The following COL27A1 variants were observed in gnomAD, a reference collection of about 807,000 sequenced individuals.
COL27A1 encodes collagen alpha-1(XXVII) chain.
In COL27A1, 106 loss-of-function variants were observed where a neutral mutation model predicts 251.3. That is an observed-to-expected ratio of 0.42 (90% confidence interval 0.36 to 0.50). COL27A1 has a LOEUF of 0.50. Among genes scored for constraint, COL27A1 ranks in the 20% least tolerant of loss-of-function variants. The probability of loss-of-function intolerance (pLI) is 0.00; values close to 1 mark genes in which losing one functional copy is unlikely to be tolerated. For synonymous variants in COL27A1, 1,000 were observed against 986.3 expected, an observed-to-expected ratio of 1.01 and a Z score of -0.26; for missense variants, 2,325 against 2,522.8, an observed-to-expected ratio of 0.92 and a Z score of 1.68.
intron 11 of COL27A1, 100 bp downstream of exon 11, chr9:114,209,828 C>G: frequency 8.6e-7 from 1 of 1,159,320 alleles, no homozygotes; most frequent in Non-Finnish European, 1.3e-6. Flanking sequence ...GGAATTCCTC[C>G]TGGAGGAGGT....
chr9:114,228,178 T>C (rs1206782385), intron 14 of COL27A1, among the ~76,000 whole-genome samples: 5 of 152,142 alleles, frequency 3.3e-5, no homozygotes, highest in Non-Finnish European at 5.9e-5. Flanking sequence ...TGCTGCGCCG[T>C]GACTCCCCGA....
intron 12 of COL27A1, among the ~76,000 whole-genome samples, chr9:114,216,339 G>A (rs575131435): frequency 2.0e-5 from 3 of 152,368 alleles, no homozygotes; most frequent in Non-Finnish European, 4.4e-5. Context: ...GTGGAGGAAG[G>A]TCCCTGCTGC....
intron 55 of COL27A1, 95 bp from the exon 56 acceptor site, chr9:114,301,987 T>A (rs1177098740): frequency 7.9e-7 from 1 of 1,267,486 alleles, no homozygotes; most frequent in Non-Finnish European, 1.1e-6. Context: ...TGGCAGGTCC[T>A]GCATGCTTTG....
chr9:114,237,737 C>T (rs751360400), intron 19 of COL27A1, 22 bp downstream of exon 19: 67 of 1,604,968 alleles, frequency 4.2e-5, no homozygotes, highest in Middle Eastern at 1.6e-4. Flanking sequence ...CCCATTTCTC[C>T]GTGTCTGGCT....
intron 59 of COL27A1, among the ~76,000 whole-genome samples, chr9:114,308,093 T>C (rs1303062333): frequency 6.6e-6 from 1 of 151,984 alleles, no homozygotes; most frequent in African/African-American, 2.4e-5. Context: ...ATCATCAGCA[T>C]GAAATAAAAG....
chr9:114,281,347 T>G (rs540026961), intron 37 of COL27A1, among the ~76,000 whole-genome samples: 8 of 152,342 alleles, frequency 5.3e-5, no homozygotes, highest in African/African-American at 1.7e-4. Context: ...TTGCACACAC[T>G]CACTCACCCT....
chr9:114,257,075 CAGCAGCTGTTGGAGGGTCTGCTGGGTGAT>C, intron 27 of COL27A1, among the ~76,000 whole-genome samples: 1 of 152,220 alleles, frequency 6.6e-6, no homozygotes, highest in Non-Finnish European at 1.5e-5. Flanking sequence ...AGCCCCTCCA[CAGCAGCTGTTGGAGGGTCTGCTGGGTGAT>C]AGCGGCTGGG....
intron 3 of COL27A1, among the ~76,000 whole-genome samples, chr9:114,176,949 C>A (rs555113265): frequency 1.1e-4 from 17 of 152,190 alleles, no homozygotes; most frequent in Non-Finnish European, 2.1e-4. Context: ...GGGTTTTCAA[C>A]ACCGATTTTA....
At chr9:114,289,009 G>T (rs765847306) in intron 44 of COL27A1, 42 bp downstream of exon 44, 1 of 1,608,962 alleles carries the variant, frequency 6.2e-7, no homozygotes, top group East Asian at 2.2e-5. Flanking sequence ...CCCACCCTGA[G>T]TGGGGCGGAG....
chr9:114,178,084 G>A (rs1827610207), intron 3 of COL27A1, among the ~76,000 whole-genome samples: 1 of 152,190 alleles, frequency 6.6e-6, no homozygotes, highest in South Asian at 2.1e-4. Flanking sequence ...TAAATGATGA[G>A]GGCGTCAGTG....
chr9:114,282,612 G>A, intron 39 of COL27A1, 48 bp downstream of exon 39: 1 of 1,252,786 alleles, frequency 8.0e-7, no homozygotes, highest in African/African-American at 1.5e-5. Flanking sequence ...GGAATAGAGG[G>A]AACCAAGGGC....
chr9:114,222,206 T>C lies in COL27A1; in HGVS notation c.2422-17T>C, dbSNP rs1831160090. On this transcript the variant is annotated splice_polypyrimidine_tract_variant and intron_variant, in intron 13 of 60. Transcript: ENST00000356083. ...GAGATGGGACAAGTAACCACCTTGG[T>C]CTCTCTCTATCTGCAGGGAGAACTG... is the stretch of plus-strand genomic sequence containing the variant. 6.2e-7 allele frequency: 1 copy of C among 1,612,532 alleles called. No homozygotes were observed. The highest frequency in any genetic ancestry group is 1.3e-5 in the African/African-American group (1 of 74,888).
intron 37 of COL27A1, among the ~76,000 whole-genome samples, chr9:114,281,941 C>T (rs916192797): frequency 6.6e-6 from 1 of 152,136 alleles, no homozygotes; most frequent in East Asian, 1.9e-4. Context: ...TGTAGGACAC[C>T]CCTGGATGCC....
intron 14 of COL27A1, among the ~76,000 whole-genome samples, chr9:114,226,758 C>G (rs1056659330): frequency 2.0e-5 from 3 of 152,228 alleles, no homozygotes; most frequent in Admixed American, 6.5e-5. Flanking sequence ...CATTAAGCCA[C>G]TTTTACCAAG....
intron 5 of COL27A1, among the ~76,000 whole-genome samples, chr9:114,192,264 C>G (rs1035607366): frequency 5.9e-5 from 9 of 152,334 alleles, no homozygotes; most frequent in African/African-American, 2.2e-4. Flanking sequence ...GCTCCTCTAT[C>G]AGCTGCAGAT....
At chr9:114,307,631 C>T (rs530406364) in intron 58 of COL27A1, 38 bp from the exon 59 acceptor site, 1 of 1,400,552 alleles carries the variant, frequency 7.1e-7, no homozygotes, top group South Asian at 1.2e-5. Context: ...GCTCATCCCC[C>T]AGATACATAC....
intron 28 of COL27A1, among the ~76,000 whole-genome samples, chr9:114,262,544 C>A (rs1195565291): frequency 6.6e-6 from 1 of 152,242 alleles, no homozygotes; most frequent in African/African-American, 2.4e-5. Flanking sequence ...ATGGAACTAG[C>A]CATTCTTAAG....
At chr9:114,190,343 C>T (rs986752106) in intron 5 of COL27A1, among the ~76,000 whole-genome samples, 4 of 152,190 alleles carry the variant, frequency 2.6e-5, no homozygotes, top group African/African-American at 9.7e-5. Flanking sequence ...GCTATCATAG[C>T]TCACTGCAGC....
At chr9:114,186,494 G>C (rs528628504) in intron 5 of COL27A1, among the ~76,000 whole-genome samples, 18 of 152,158 alleles carry the variant, frequency 1.2e-4, no homozygotes, top group Non-Finnish European at 1.9e-4. Context: ...TAGGTCTCTA[G>C]GGCTCCATGT....
Sources: gnomAD v4.1 joint callset for allele counts (sites outside exome capture counted in the v4.1 genomes callset) on GRCh38, gnomAD v4.1.1 for gene constraint, MANE v1.5 for transcripts, NCBI Gene and HGNC (gene_info 2026-07-23, HGNC 2026-07-21) for gene names.